Variants in ABHD18 observed in about 807,000 individuals in gnomAD.
ABHD18 encodes the protein abhydrolase domain containing 18.
A neutral mutation model predicts 65.9 loss-of-function variants in ABHD18; 55 were observed. The ratio of observed to expected loss-of-function variants is 0.84; its 90% CI spans 0.67 to 1.05. The LOEUF is 1.05. ABHD18 is among the 50% of genes least tolerant of loss of function. The probability of loss-of-function intolerance (pLI) is 0.00; values close to 1 mark genes in which losing one functional copy is unlikely to be tolerated. For missense variants in ABHD18, 533 were observed against 558.5 expected (o/e 0.95, Z 0.46); for synonymous variants, 181 against 180.2 (o/e 1.00, Z -0.04).
chr4:128,013,467 G>C (rs1467068217), intron 7 of ABHD18, among the ~76,000 whole-genome samples: 1 of 152,176 alleles, frequency 6.6e-6, no homozygotes, highest in African/African-American at 2.4e-5. Flanking sequence ...TTGGGAGTCT[G>C]AGGCGGGCAG....
intron 12 of ABHD18, among the ~76,000 whole-genome samples, chr4:128,035,104 G>A (rs1758732613): frequency 6.6e-6 from 1 of 152,092 alleles, no homozygotes; most frequent in Admixed American, 6.6e-5. Flanking sequence ...ATTCTGAAAA[G>A]TTACATAATT....
intron 7 of ABHD18, among the ~76,000 whole-genome samples, chr4:128,011,931 T>G (rs1055083515): frequency 2.6e-5 from 4 of 152,120 alleles, no homozygotes; most frequent in African/African-American, 9.7e-5. Flanking sequence ...ACAGGTAGAC[T>G]TAATATATAG....
chr4:127,983,134 A>C, intron 2 of ABHD18, 87 bp downstream of exon 2: 6 of 828,532 alleles, frequency 7.2e-6, no homozygotes, highest in Non-Finnish European at 1.2e-5. Context: ...CTTTACTCTC[A>C]AATACAGAGC....
intron 4 of ABHD18, among the ~76,000 whole-genome samples, chr4:128,003,421 A>T (rs902590015): frequency 1.2e-4 from 18 of 152,042 alleles, no homozygotes; most frequent in Admixed American, 2.0e-4. Context: ...ATTAAAATAC[A>T]TATTGTAAAC....
At chr4:128,033,268 C>T (rs1758464651) in intron 12 of ABHD18, among the ~76,000 whole-genome samples, 1 of 151,886 alleles carries the variant, frequency 6.6e-6, no homozygotes, top group Non-Finnish European at 1.5e-5. Context: ...AAAAAATTAT[C>T]CAGTGGGCAA....
chr4:127,971,472 C>T lies in ABHD18; in HGVS notation c.-18+5866C>T, dbSNP rs559465631. Among the ~76,000 whole-genome samples, 402 of 143,928 alleles carry T rather than the reference C, an allele frequency of 2.8e-3. 2 individuals are homozygous for T. Among genetic ancestry groups the T allele is most frequent in the African/African-American group, 9.7e-3 (380 of 39,060 alleles). The allele number at this position is 143,928 out of a possible 152,430, so 94.4% of individuals were successfully genotyped here. A position where few individuals can be genotyped will look rare whatever the true frequency, so the allele number is the denominator to read the frequency against. On this transcript the variant is annotated intron_variant, in intron 1 of 12. Transcript: ENST00000645843. Reference sequence around the variant, plus strand: ...ACCCCCTGCCACTCTCTGAATATGTCCAGAGTTGGCTTTTTTTTTTTTTTT... The same window carrying T: ...ACCCCCTGCCACTCTCTGAATATGTTCAGAGTTGGCTTTTTTTTTTTTTTT...
intron 10 of ABHD18, among the ~76,000 whole-genome samples, chr4:128,027,144 G>C (rs1757487431): frequency 6.6e-6 from 1 of 152,072 alleles, no homozygotes; most frequent in South Asian, 2.1e-4. Flanking sequence ...ATTGCCTACA[G>C]TATTAAGTAC....
At chr4:128,032,066 G>A (rs1027908170) in intron 12 of ABHD18, among the ~76,000 whole-genome samples, 19 of 152,302 alleles carry the variant, frequency 1.2e-4, no homozygotes, top group Non-Finnish European at 1.2e-4. Flanking sequence ...CTAAGTGGGA[G>A]TATAGCTAAG....
chr4:128,009,224 C>A, intron 6 of ABHD18, 33 bp downstream of exon 6: 1 of 1,303,334 alleles, frequency 7.7e-7, no homozygotes, highest in Non-Finnish European at 1.0e-6. Context: ...AAATCTTTTG[C>A]CTTGTTTATT....
intron 6 of ABHD18, among the ~76,000 whole-genome samples, chr4:128,010,904 C>CAAA (rs35809796): frequency 3.1e-4 from 20 of 65,316 alleles, no homozygotes; most frequent in African/African-American, 7.6e-4. Context: ...GACTGCGCCT[C>CAAA]AAAAAAAAAA....
Position 127,992,904 on chromosome 4 carries a change from G to A in ABHD18, c.278+3083G>A, listed in dbSNP as rs114605753. The stretch of plus-strand genomic sequence containing the variant: ...TTTACTGAAAGCATTAAGTCAGCCT[G>A]AGCAACGTAGAAAGACCCTGTCTCT... On this transcript the variant is annotated intron_variant, in intron 4 of 12. Transcript: ENST00000645843. Among the ~76,000 whole-genome samples the A allele has an allele frequency of 2.6e-3, 400 of 152,042 alleles. 2 individuals carry two copies. The highest frequency in any genetic ancestry group is 9.2e-3 in the African/African-American group (382 of 41,472).
chr4:127,968,300 G>A (rs1368186210), intron 1 of ABHD18, among the ~76,000 whole-genome samples: 1 of 152,230 alleles, frequency 6.6e-6, no homozygotes, highest in Non-Finnish European at 1.5e-5. Context: ...TGTGAAGCTA[G>A]GGAAGTAGAT....
At position 128,039,240 on chromosome 4, in the gene ABHD18, AC is replaced by A. The variant is rs1759157504; in HGVS notation, c.*3428del. ...CTGCCATTTTGAGGATTTAGGTACTACATAAAATATTAGAAATTCATTTAGA... is the reference window on the plus strand; with the variant it reads ...CTGCCATTTTGAGGATTTAGGTACTAATAAAATATTAGAAATTCATTTAGA... On this transcript the variant is annotated 3_prime_UTR_variant, in exon 13 of 13. Coordinates refer to ENST00000645843, the MANE Select transcript of ABHD18 (RefSeq NM_001358451.3). 6.7e-6 allele frequency: 1 copy of A among 150,030 alleles called. No homozygotes were observed. The allele number at this position is 150,030 out of a possible 1,614,324, so 9.3% of individuals were successfully genotyped here.
intron 10 of ABHD18, among the ~76,000 whole-genome samples, chr4:128,023,360 G>A (rs1201661741): frequency 1.6e-5 from 2 of 125,148 alleles, no homozygotes; most frequent in East Asian, 2.6e-4. Flanking sequence ...GAAGCCAGGA[G>A]TTTGAGACCA....
rs1757757177 is a variant in ABHD18 at position 128,028,752 on chromosome 4, A to T, written c.1079A>T (p.His360Leu). 6.2e-7 allele frequency: 1 copy of T among 1,613,830 alleles called. No homozygotes were observed. The highest frequency in any genetic ancestry group is 8.5e-7 in the Non-Finnish European group (1 of 1,179,840). Residue 360 changes from histidine to leucine, a missense_variant, in exon 11 of 13, where the codon CAC (histidine) becomes CTC (leucine). Around this residue, in one of 3 missense-constraint regions of ABHD18, gnomAD observed 220 missense variants for 226.8 expected, o/e 0.97. Transcript: ENST00000645843. Reference protein sequence around the residue: ...GYTSRNPQSYHLLSKEQSRNS... With the variant: ...GYTSRNPQSYLLLSKEQSRNS... ...ACAAGTCGCAACCCTCAGTCATACC[A>T]CCTACTTAGTAAAGAACAAAGCAGA...
chr4:128,017,689 T>C (rs367773116), intron 8 of ABHD18, among the ~76,000 whole-genome samples, 188 bp downstream of exon 8: 69 of 152,334 alleles, frequency 4.5e-4, no homozygotes, highest in African/African-American at 1.6e-3. Context: ...ATTTATTGAT[T>C]GTACTACTCC....
In ABHD18 at chr4:128,028,654, A is replaced by G; in HGVS notation, c.981A>G (p.Glu327=). Residue 327 remains glutamate (E), a synonymous_variant, in exon 11 of 13, where the codon GAA becomes GAG. Coordinates refer to ENST00000645843, the MANE Select transcript of ABHD18 (RefSeq NM_001358451.3). ...SSKTSVSATS[E]GLLLQDTSKM... is the part of the protein sequence containing the mutation. ...AAACATCTGTCAGTGCGACATCAGAAGGACTCTTATTGCAAGATACCTCTA... is the reference window on the plus strand; with the variant it reads ...AAACATCTGTCAGTGCGACATCAGAGGGACTCTTATTGCAAGATACCTCTA... The G allele has an allele frequency of 6.2e-7, 1 of 1,613,910 alleles. No homozygotes were observed. Among genetic ancestry groups the G allele is most frequent in the Non-Finnish European group, 8.5e-7 (1 of 1,179,866 alleles).
chr4:127,997,542 C>T (rs1751939888), intron 4 of ABHD18, among the ~76,000 whole-genome samples: 1 of 152,120 alleles, frequency 6.6e-6, no homozygotes, highest in African/African-American at 2.4e-5. Context: ...GAATCTCAGC[C>T]CTCTTCAGTC....
At chr4:127,983,601 C>A (rs375300161) in intron 2 of ABHD18, among the ~76,000 whole-genome samples, 1 of 152,126 alleles carries the variant, frequency 6.6e-6, no homozygotes, top group Non-Finnish European at 1.5e-5. Flanking sequence ...CGCGGTGGCT[C>A]ACGTCTGTAA....
Sources: gnomAD v4.1 joint callset for allele counts (sites outside exome capture counted in the v4.1 genomes callset) on GRCh38, gnomAD v4.1.1 for gene constraint, gnomAD v4.1.1 regional missense constraint, MANE v1.5 for transcripts, NCBI Gene and HGNC (gene_info 2026-07-23, HGNC 2026-07-21) for gene names.